HMGA2: variants seen among roughly 807,000 people sequenced by gnomAD.
HMGA2 encodes the protein high mobility group protein HMGI-C.
A neutral mutation model predicts 19.1 loss-of-function variants in HMGA2; 8 were observed. That is an observed-to-expected ratio of 0.42 (90% CI 0.25 to 0.76). The LOEUF (loss-of-function observed/expected upper bound fraction) is 0.76, where lower values mean the gene tolerates loss of function less well. Ranked by LOEUF, HMGA2 falls within the 30% of genes least tolerant of loss-of-function variation. The probability of loss-of-function intolerance (pLI) is 0.28; values close to 1 mark genes in which losing one functional copy is unlikely to be tolerated. For missense variants in HMGA2, 109 were observed against 136.3 expected (o/e 0.80, Z 1.00); for synonymous variants, 60 against 48.8 (o/e 1.23, Z -0.96).
intron 3 of HMGA2, among the ~76,000 whole-genome samples, chr12:65,864,587 G>C (rs1173455590): frequency 3.9e-5 from 6 of 152,040 alleles, no homozygotes; most frequent in African/African-American, 1.2e-4. Flanking sequence ...GTAATACAGG[G>C]AAATATTTAA....
chr12:65,956,175 T>G (rs943404012), intron 4 of HMGA2: 3 of 152,216 alleles, frequency 2.0e-5, no homozygotes, highest in Non-Finnish European at 4.4e-5. Flanking sequence ...CATAATGATT[T>G]ATACTGCCTA....
chr12:65,887,712 T>A (rs775264966), intron 3 of HMGA2, among the ~76,000 whole-genome samples: 2 of 151,656 alleles, frequency 1.3e-5, no homozygotes, highest in Non-Finnish European at 2.9e-5. Context: ...AGAAAAAAAA[T>A]TTACAGTTAG....
rs1467953012 is a variant in HMGA2, at chr12:65,865,592, G to A, written c.249+27023G>A. On this transcript the variant is annotated intron_variant, in intron 3 of 4. Coordinates refer to ENST00000403681, the MANE Select transcript of HMGA2 (RefSeq NM_003483.6). Reference sequence around the variant, plus strand: ...CTCCATTTCTCCAGTGTCAAGATGGGAAGGCATACATTCTAAGCGTCTGTA... The same window carrying A: ...CTCCATTTCTCCAGTGTCAAGATGGAAAGGCATACATTCTAAGCGTCTGTA... Among the ~76,000 whole-genome samples the A allele has an allele frequency of 2.6e-5, 4 of 151,740 alleles. No individual in the cohort carries two copies. In the East Asian group the frequency reaches 7.7e-4, roughly 29 times the overall value.
chr12:65,906,273 G>A (rs962077398), intron 3 of HMGA2, among the ~76,000 whole-genome samples: 7 of 152,160 alleles, frequency 4.6e-5, no homozygotes, highest in African/African-American at 1.4e-4. Flanking sequence ...TTGGAGGGGC[G>A]ATCCTTTGGA....
chr12:65,961,397 CAG>C (rs1377538845), intron 4 of HMGA2, among the ~76,000 whole-genome samples: 1 of 152,196 alleles, frequency 6.6e-6, no homozygotes, highest in African/African-American at 2.4e-5. Flanking sequence ...CAGGGCTCCA[CAG>C]AGAATCTCAG....
intron 3 of HMGA2, chr12:65,859,900 A>G (rs1383843309): frequency 4.1e-6 from 1 of 241,756 alleles, no homozygotes; most frequent in Non-Finnish European, 8.8e-6. Context: ...CCTGGGCAAT[A>G]TAGTAATGCC....
chr12:65,848,895 C>T (rs549097800), intron 3 of HMGA2, among the ~76,000 whole-genome samples: 4 of 152,114 alleles, frequency 2.6e-5, no homozygotes, highest in African/African-American at 4.8e-5. Flanking sequence ...TTACCAATAA[C>T]GGAAGTGCAG....
chr12:65,839,344 A>G (rs1380616), intron 3 of HMGA2, among the ~76,000 whole-genome samples: 2,640 of 152,230 alleles, frequency 0.017, 47 homozygotes, highest in South Asian at 0.04. Context: ...AAGAAGTCCT[A>G]AAAATGAATG....
intron 3 of HMGA2, among the ~76,000 whole-genome samples, chr12:65,905,886 T>C (rs1431515288): frequency 2.0e-5 from 3 of 152,174 alleles, no homozygotes; most frequent in African/African-American, 7.2e-5. Flanking sequence ...AAAAGCTAAA[T>C]ATAGAGTCTC....
intron 3 of HMGA2, chr12:65,948,290 T>C (rs979249099): frequency 4.4e-4 from 67 of 152,360 alleles, no homozygotes; most frequent in African/African-American, 1.2e-3. Context: ...AAGACTAATA[T>C]GTATCATTGA....
rs111704957 is a variant in HMGA2, at chr12:65,951,208, C to T, written c.250-175C>T. ...CCTCCCAAAGCGCTGGGATTATAAG[C>T]GTGAGCCACCATGCCTGGCCAAGTA... On this transcript the variant is annotated intron_variant, in intron 3 of 4. Coordinates refer to ENST00000403681, the MANE Select transcript of HMGA2 (RefSeq NM_003483.6). 1.8e-4 allele frequency among the ~76,000 whole-genome samples: 28 copies of T among 152,272 alleles called. 1 individual carries two copies. Among genetic ancestry groups the T allele is most frequent in the African/African-American group, 6.5e-4 (27 of 41,564 alleles).
chr12:65,888,815 G>C (rs998661592), intron 3 of HMGA2, among the ~76,000 whole-genome samples: 11 of 149,790 alleles, frequency 7.3e-5, no homozygotes, highest in Non-Finnish European at 1.5e-4. Flanking sequence ...CGCCCGCCTC[G>C]GCCTTCCAAA....
At chr12:65,939,859 G>A (rs1157018799) in intron 3 of HMGA2, among the ~76,000 whole-genome samples, 2 of 152,202 alleles carry the variant, frequency 1.3e-5, no homozygotes, top group Non-Finnish European at 2.9e-5. Flanking sequence ...CATGTGGATG[G>A]GAAGGGGAGA....
At chr12:65,955,625 A>G (rs1876584124) in intron 4 of HMGA2, 1 of 152,232 alleles carries the variant, frequency 6.6e-6, no homozygotes, top group African/African-American at 2.4e-5. Flanking sequence ...AGCCCTGGCA[A>G]ACGATGCCTC....
At chr12:65,859,710 C>T (rs1871945985) in intron 3 of HMGA2, 1 of 154,612 alleles carries the variant, frequency 6.5e-6, no homozygotes, top group Admixed American at 6.4e-5. Flanking sequence ...GGAGGGTAAA[C>T]ACGCATTGCA....
chr12:65,963,468 G>A lies in HMGA2; in HGVS notation c.*176G>A. 1 of 616,862 alleles carries A rather than the reference G, an allele frequency of 1.6e-6. No homozygotes were observed. Among genetic ancestry groups the A allele is most frequent in the South Asian group, 2.0e-5 (1 of 49,708 alleles). The allele number at this position is 616,862 out of a possible 1,614,324, so 38.2% of individuals were successfully genotyped here. ...GGGAGAAATCACATAACCTTAAAAA[G>A]GACTATATTAATCACCTTCTTTGTA... On this transcript the variant is annotated 3_prime_UTR_variant, in exon 5 of 5. Coordinates refer to ENST00000403681, the MANE Select transcript of HMGA2 (RefSeq NM_003483.6).
chr12:65,926,429 G>A lies in HMGA2; in HGVS notation c.250-24954G>A, dbSNP rs139944475. Among the ~76,000 whole-genome samples the A allele has an allele frequency of 2.6e-5, 4 of 152,312 alleles. No homozygotes were observed. The East Asian group carries it at 5.8e-4, about 22-fold the overall frequency. ...TTCGTCTCTATAGAATTAATGCCTC[G>A]GAGGTGGGGAGAGGGAGGCAGAGGA... On this transcript the variant is annotated intron_variant, in intron 3 of 4. Coordinates refer to ENST00000403681, the MANE Select transcript of HMGA2 (RefSeq NM_003483.6).
chr12:65,931,184 G>T (rs1025418711), intron 3 of HMGA2, among the ~76,000 whole-genome samples: 2 of 152,082 alleles, frequency 1.3e-5, no homozygotes, highest in South Asian at 4.1e-4. Flanking sequence ...TTGTTTTATG[G>T]TTATTGGATT....
intron 2 of HMGA2, among the ~76,000 whole-genome samples, chr12:65,834,635 C>T (rs1026091395): frequency 4.0e-5 from 6 of 150,324 alleles, no homozygotes; most frequent in East Asian, 2.0e-4. Flanking sequence ...TCTCTCTTTG[C>T]CTCCCTCCTT....
Sources: allele counts gnomAD v4.1 joint callset (sites outside exome capture counted in the v4.1 genomes callset), GRCh38; gene constraint gnomAD v4.1.1; transcripts MANE v1.5; gene names NCBI Gene and HGNC (gene_info 2026-07-23, HGNC 2026-07-21).